COBL: variants seen among roughly 807,000 people sequenced by gnomAD.
COBL encodes the protein protein cordon-bleu.
COBL carries 51 observed loss-of-function variants against 98.8 expected under a neutral mutation model. The ratio of observed to expected loss-of-function variants is 0.52; its 90% confidence interval spans 0.41 to 0.65. COBL has a LOEUF of 0.65. COBL is among the 30% of genes least tolerant of loss of function. The pLI, the probability that COBL is intolerant of heterozygous loss-of-function variation, is 0.00. For missense variants in COBL, 1,617 were observed against 1,617.5 expected, an observed-to-expected ratio of 1.00 and a Z score of 0.01; for synonymous variants, 634 against 651.7, an observed-to-expected ratio of 0.97 and a Z score of 0.41.
At chr7:51,021,888 C>G (rs1267915608) in intron 12 of COBL, among the ~76,000 whole-genome samples, 1 of 152,196 alleles carries the variant, frequency 6.6e-6, no homozygotes, top group Non-Finnish European at 1.5e-5. Flanking sequence ...GGGCAAACTT[C>G]TAGGAAATGC....
chr7:51,218,388 A>T (rs567818311), intron 2 of COBL, among the ~76,000 whole-genome samples: 11 of 152,354 alleles, frequency 7.2e-5, no homozygotes, highest in African/African-American at 2.6e-4. Context: ...CATCTGTGAG[A>T]ATAAAAACAC....
chr7:51,182,656 G>GA (rs1467557980), intron 5 of COBL, among the ~76,000 whole-genome samples: 1 of 148,686 alleles, frequency 6.7e-6, no homozygotes, highest in Non-Finnish European at 1.5e-5. Flanking sequence ...GAGAGTAGGG[G>GA]GGAAGAGAGG....
intron 7 of COBL, among the ~76,000 whole-genome samples, chr7:51,057,179 G>A (rs887109858): frequency 2.6e-5 from 4 of 152,138 alleles, no homozygotes; most frequent in African/African-American, 9.7e-5. Context: ...ATGGCCCAAA[G>A]CACAAGAGTA....
At position 51,027,870 on chromosome 7, in the gene COBL, C is replaced by T. The variant is rs777032384; in HGVS notation, c.3226G>A (p.Asp1076Asn). The change falls in exon 10 of 13, where the codon GAT (aspartate) becomes AAT (asparagine). Residue 1076 changes from aspartate (D) to asparagine (N), a missense_variant. This residue lies in a region of COBL where 1,304 missense variants were observed against 1,282.0 expected (regional missense o/e 1.02). Transcript: ENST00000265136. ...CAAATACTGTCTGTTTCATTTCCAT[C>T]TGTAGAGAACACACTGGGCTTTTCC... ...REEKPSVFST[D>N]GNETDSIWPP... 1 of 1,614,248 alleles carries T rather than the reference C, an allele frequency of 6.2e-7. No homozygotes were observed. Among genetic ancestry groups the T allele is most frequent in the East Asian group, 2.2e-5 (1 of 44,876 alleles).
chr7:51,270,413 CCCACTACGTG>C (rs1299617022), intron 1 of COBL, among the ~76,000 whole-genome samples: 4 of 152,300 alleles, frequency 2.6e-5, no homozygotes, highest in African/African-American at 9.6e-5. Context: ...CTATGATGTG[CCCACTACGTG>C]CCAGGCACTG....
At chr7:51,260,346 G>A (rs181365967) in intron 1 of COBL, among the ~76,000 whole-genome samples, 1 of 152,346 alleles carries the variant, frequency 6.6e-6, no homozygotes, top group Admixed American at 6.5e-5. Context: ...TAAAAAGGGA[G>A]AAAGATCACA....
intron 1 of COBL, among the ~76,000 whole-genome samples, chr7:51,296,506 C>A (rs1361039211): frequency 1.3e-5 from 2 of 152,042 alleles, no homozygotes; most frequent in African/African-American, 4.8e-5. Flanking sequence ...CCAAAGTTAA[C>A]TTGTGTAAAG....
At position 51,028,217 on chromosome 7, in the gene COBL, T is replaced by C. The variant is rs1787770673; in HGVS notation, c.2879A>G (p.Lys960Arg). 1.9e-6 allele frequency: 3 copies of C among 1,614,190 alleles called. No homozygotes were observed. Among genetic ancestry groups the C allele is most frequent in the Middle Eastern group, 1.6e-4 (1 of 6,062 alleles). ...AGCAGGTCTGTCCTGAGTAGACAACTTCCTGTGTGGGCCAATGACCTCCCC... is the reference window on the plus strand; with the variant it reads ...AGCAGGTCTGTCCTGAGTAGACAACCTCCTGTGTGGGCCAATGACCTCCCC... The part of the protein sequence containing the change: ...PRGEVIGPHR[K>R]LSTQDRPAAI... The change falls in exon 10 of 13, where the codon AAG becomes AGG. Residue 960 changes from lysine to arginine, a missense_variant. By Grantham distance (26) the Lys-to-Arg change is conservative (BLOSUM62 2). This residue lies in a region of COBL where 1,304 missense variants were observed against 1,282.0 expected (regional missense o/e 1.02). Transcript: ENST00000265136.
chr7:51,184,071 T>C (rs778390836), intron 5 of COBL, 31 bp downstream of exon 5: 9 of 1,135,540 alleles, frequency 7.9e-6, no homozygotes, highest in South Asian at 6.0e-5. Context: ...TTTTACATGA[T>C]ACAAAATCAT....
chr7:51,028,972 A>G lies in COBL; in HGVS notation c.2124T>C (p.Tyr708=), dbSNP rs1232823286. The change falls in exon 10 of 13, where the codon TAT becomes TAC. Residue 708 remains tyrosine, a synonymous_variant. Transcript: ENST00000265136. The part of the protein sequence containing the change: ...SYRLKHGLTT[Y]KIIPPKSEMR... ...TCTCTGACTTTGGAGGAATGATTTT[A>G]TACGTTGTGAGGCCGTGCTTAAGTC... The G allele has an allele frequency of 3.7e-6, 6 of 1,614,114 alleles. No homozygotes were observed. In the East Asian group the frequency reaches 6.7e-5, roughly 18 times the overall value.
chr7:51,128,918 C>T (rs1403803591), intron 6 of COBL, among the ~76,000 whole-genome samples: 3 of 152,216 alleles, frequency 2.0e-5, no homozygotes, highest in African/African-American at 4.8e-5. Flanking sequence ...TGTCCCTGCC[C>T]GACCTCGCAC....
In COBL at chr7:51,156,252, C is replaced by A. The variant is rs191374001; in HGVS notation, c.784-19921G>T. ...AGAAGGCAAATTAATTCCTTTCTTA[C>A]CCTTTTATTTTTCTTGTTGTGGTTC... On this transcript the variant is annotated intron_variant, in intron 5 of 12. Transcript: ENST00000265136. 9 of 984,968 alleles carry A rather than the reference C, an allele frequency of 9.1e-6. No individual in the cohort carries two copies. In the East Asian group the frequency reaches 1.0e-3, roughly 113 times the overall value. 61.0% of individuals were successfully genotyped at this position (984,968 alleles called of 1,614,324 possible).
chr7:51,027,653 G>T, intron 10 of COBL, 59 bp downstream of exon 10: 2 of 1,371,180 alleles, frequency 1.5e-6, no homozygotes, highest in South Asian at 1.3e-5. Context: ...GAGACTCTGA[G>T]ACCAGTGCAC....
chr7:51,053,811 G>A (rs1436748970), intron 7 of COBL, among the ~76,000 whole-genome samples: 1 of 152,234 alleles, frequency 6.6e-6, no homozygotes, highest in African/African-American at 2.4e-5. Context: ...TAAAAGTGGA[G>A]GTTGGTGGTA....
intron 1 of COBL, chr7:51,259,960 C>A: frequency 1.3e-6 from 1 of 754,632 alleles, no homozygotes; most frequent in South Asian, 1.4e-5. Flanking sequence ...TTCTAGTCAT[C>A]TGAGATGCAT....
chr7:51,062,164 G>C (rs764311943), intron 7 of COBL, among the ~76,000 whole-genome samples: 2 of 151,984 alleles, frequency 1.3e-5, no homozygotes, highest in African/African-American at 2.4e-5. Context: ...ATTTAGCAAT[G>C]GTCTAATTAT....
At chr7:51,070,410 C>CACACACACACACACACAT (rs1241808798) in intron 7 of COBL, among the ~76,000 whole-genome samples, 1 of 151,934 alleles carries the variant, frequency 6.6e-6, no homozygotes, top group African/African-American at 2.4e-5. Flanking sequence ...CACACACACA[C>CACACACACACACACACAT]ACACACACAC....
rs921762784 is a variant in COBL, at chr7:51,085,113, C to G, written c.1096+53G>C. ...AGGAGTTCACATCAGAGCTGACATT[C>G]CAGGACAGAGCAAGCATCCCCGCAT... On this transcript the variant is annotated intron_variant, in intron 7 of 12. Coordinates refer to ENST00000265136, the MANE Select transcript of COBL (RefSeq NM_015198.5). The G allele has an allele frequency of 1.1e-5, 18 of 1,611,376 alleles. No homozygotes were observed. In the African/African-American group the frequency reaches 1.9e-4, roughly 17 times the overall value.
intron 7 of COBL, among the ~76,000 whole-genome samples, chr7:51,082,100 C>T (rs1386275581): frequency 1.3e-5 from 2 of 151,820 alleles, no homozygotes; most frequent in African/African-American, 4.8e-5. Flanking sequence ...TCTTCTTTAC[C>T]CAGAAGCTGG....
Sources: allele counts gnomAD v4.1 joint callset (sites outside exome capture counted in the v4.1 genomes callset), GRCh38; gene constraint gnomAD v4.1.1; regional missense constraint gnomAD v4.1.1; transcripts MANE v1.5; gene names NCBI Gene and HGNC (gene_info 2026-07-23, HGNC 2026-07-21).